Variants in DRAXIN observed in about 807,000 individuals in gnomAD.
DRAXIN encodes the protein dorsal repulsive axon guidance protein.
DRAXIN carries 27 observed loss-of-function variants against 33.9 expected under a neutral mutation model. The ratio of observed to expected loss-of-function variants is 0.80; its 90% CI spans 0.59 to 1.10. DRAXIN has a LOEUF of 1.10. DRAXIN is among the 50% of genes least tolerant of loss of function. DRAXIN has a pLI of 0.00. For missense variants in DRAXIN, 371 were observed against 460.8 expected, an observed-to-expected ratio of 0.81 and a Z score of 1.78; for synonymous variants, 178 against 194.0, an observed-to-expected ratio of 0.92 and a Z score of 0.69.
At chr1:11,686,832 C>T (rs1306623435), upstream of DRAXIN, among the ~76,000 whole-genome samples, 4 of 115,904 alleles carry the variant, frequency 3.5e-5, no homozygotes, top group East Asian at 8.1e-4. Flanking sequence ...AAAAAAAAAA[C>T]TTCTCTGTGG....
intron 5 of DRAXIN, among the ~76,000 whole-genome samples, chr1:11,714,793 C>T (rs1641549474): frequency 1.3e-5 from 2 of 152,246 alleles, no homozygotes; most frequent in Admixed American, 1.3e-4. Flanking sequence ...AGGCCCCTCC[C>T]AGCTCTGAGC....
At chr1:11,710,088 G>C (rs889641397) in intron 3 of DRAXIN, among the ~76,000 whole-genome samples, 1 of 151,934 alleles carries the variant, frequency 6.6e-6, no homozygotes, top group Non-Finnish European at 1.5e-5. Context: ...GGGAGGCTGA[G>C]GCAGGAGAAT....
chr1:11,715,603 G>A (rs1641564127), intron 6 of DRAXIN, among the ~76,000 whole-genome samples: 2 of 152,010 alleles, frequency 1.3e-5, no homozygotes, highest in South Asian at 4.2e-4. Flanking sequence ...TCCCAGAGGA[G>A]GCATTGAAGT....
At chr1:11,710,505 A>G (rs968391053) in intron 3 of DRAXIN, among the ~76,000 whole-genome samples, 4 of 151,342 alleles carry the variant, frequency 2.6e-5, no homozygotes, top group Non-Finnish European at 5.9e-5. Context: ...AAGGGAAAAA[A>G]AAAATGTGGA....
Position 11,709,272 on chromosome 1 carries a change from C to G in DRAXIN, c.452-3C>G. On this transcript the variant is annotated splice_region_variant and splice_polypyrimidine_tract_variant and intron_variant, in intron 2 of 6. Transcript: ENST00000294485. ...CCCCCGTGCTCCCCACCCTGTGTCT[C>G]AGGCCGAGCCTTGGTCCGAGGTCCC... 5 of 1,608,282 alleles carry G rather than the reference C, an allele frequency of 3.1e-6. No individual in the cohort carries two copies. The highest frequency in any genetic ancestry group is 4.2e-6 in the Non-Finnish European group (5 of 1,176,836).
At chr1:11,689,187 A>T (rs1641015684), upstream of DRAXIN, among the ~76,000 whole-genome samples, 1 of 151,022 alleles carries the variant, frequency 6.6e-6, no homozygotes, top group Non-Finnish European at 1.5e-5. Flanking sequence ...ACCCCAGCTA[A>T]CTGGGAGGCT....
In DRAXIN at chr1:11,724,085, G is replaced by A. The variant is rs1443492998; in HGVS notation, c.*4389G>A. 2 of 152,192 alleles carry A rather than the reference G, an allele frequency of 1.3e-5. No individual in the cohort carries two copies. Among genetic ancestry groups the A allele is most frequent in the Non-Finnish European group, 2.9e-5 (2 of 68,038 alleles). The allele number at this position is 152,192 out of a possible 1,614,324, so 9.4% of individuals were successfully genotyped here. A position where few individuals can be genotyped will look rare whatever the true frequency, so the allele number is the denominator to read the frequency against. ...CAAAGTGTGTTCCATAGAACACTGG[G>A]ACCATGAGATGCTCTATTAGAAAGG... On this transcript the variant is annotated 3_prime_UTR_variant, in exon 7 of 7. Coordinates refer to ENST00000294485, the MANE Select transcript of DRAXIN (RefSeq NM_198545.4).
At chr1:11,715,239 C>G in intron 6 of DRAXIN, 31 bp downstream of exon 6, 1 of 1,613,406 alleles carries the variant, frequency 6.2e-7, no homozygotes, top group South Asian at 1.1e-5. Flanking sequence ...GGGGGGCTAC[C>G]CATGCTCTGA....
At chr1:11,697,837 G>A (rs1641215066) in intron 1 of DRAXIN, among the ~76,000 whole-genome samples, 1 of 152,204 alleles carries the variant, frequency 6.6e-6, no homozygotes, top group Non-Finnish European at 1.5e-5. Flanking sequence ...GCTGCTCTGA[G>A]GCCTAGGGGT....
At chr1:11,693,924 C>T (rs138394995) in intron 1 of DRAXIN, among the ~76,000 whole-genome samples, 24 of 152,270 alleles carry the variant, frequency 1.6e-4, no homozygotes, top group Admixed American at 7.8e-4. Flanking sequence ...CAGCATTGTC[C>T]CCTCTGCGTC....
rs1452028927 is a variant in DRAXIN, at chr1:11,704,673, T to TGTCACAACAAGCCTGTCCCAGGGTC, written c.-10-1575_-10-1551dup. On this transcript the variant is annotated intron_variant, in intron 1 of 6. Coordinates refer to ENST00000294485, the MANE Select transcript of DRAXIN (RefSeq NM_198545.4). This position sits in a 1 kb window ranked among gnomAD's most constrained non-coding sequence, Gnocchi z 4.6. Reference sequence around the variant, plus strand: ...ATGCAGGTGTGATGGGAGACAGGGTTGTCACAACAAGCCTGTCCCAGGGTC... The same window carrying TGTCACAACAAGCCTGTCCCAGGGTC: ...ATGCAGGTGTGATGGGAGACAGGGTTGTCACAACAAGCCTGTCCCAGGGTCGTCACAACAAGCCTGTCCCAGGGTC... 6.6e-6 allele frequency among the ~76,000 whole-genome samples: 1 copy of TGTCACAACAAGCCTGTCCCAGGGTC among 152,168 alleles called. No homozygotes were observed.
rs149000582 is a variant in DRAXIN, at chr1:11,725,579, G to T, written c.*5883G>T. ...CTGGCAAATCCGAGACCTGTTTTGC[G>T]TAGCTAATTACCAGCAATGACAAAC... On this transcript the variant is annotated 3_prime_UTR_variant, in exon 7 of 7. Transcript: ENST00000294485. The T allele has an allele frequency of 1.3e-5, 2 of 152,182 alleles. No homozygotes were observed. Among genetic ancestry groups the T allele is most frequent in the Non-Finnish European group, 2.9e-5 (2 of 68,036 alleles). The allele number at this position is 152,182 out of a possible 1,614,324, so 9.4% of individuals were successfully genotyped here. A position where few individuals can be genotyped will look rare whatever the true frequency, so the allele number is the denominator to read the frequency against.
chr1:11,715,742 T>C (rs1489539298), intron 6 of DRAXIN, among the ~76,000 whole-genome samples: 1 of 152,192 alleles, frequency 6.6e-6, no homozygotes, highest in Admixed American at 6.5e-5. Flanking sequence ...AGCACTTTTC[T>C]ACTGAAATCC....
In DRAXIN at chr1:11,709,367, A is replaced by C; in HGVS notation, c.544A>C (p.Thr182Pro). The stretch of plus-strand genomic sequence containing the variant: ...GGATGCAGCCATGGAGGAATCCTCC[A>C]CCAGCCTGGCGCCCACCATGTTCTT... ...VLDAAMEESS[T>P]SLAPTMFFLT... The change falls in exon 3 of 7, where the codon ACC (threonine) becomes CCC (proline). Residue 182 changes from threonine to proline, a missense_variant. Physicochemically the swap from Thr to Pro is conservative, Grantham distance 38 (BLOSUM62 -1). Coordinates refer to ENST00000294485, the MANE Select transcript of DRAXIN (RefSeq NM_198545.4). 6.2e-7 allele frequency: 1 copy of C among 1,613,974 alleles called. No homozygotes were observed. Among genetic ancestry groups the C allele is most frequent in the Non-Finnish European group, 8.5e-7 (1 of 1,179,932 alleles).
At chr1:11,698,074 A>G (rs989390247) in intron 1 of DRAXIN, among the ~76,000 whole-genome samples, 1 of 151,994 alleles carries the variant, frequency 6.6e-6, no homozygotes, top group Admixed American at 6.6e-5. Flanking sequence ...CCCACACACA[A>G]ACCACACAGA....
chr1:11,712,384 C>G lies in DRAXIN; in HGVS notation c.802C>G (p.Pro268Ala). 6.2e-7 allele frequency: 1 copy of G among 1,614,108 alleles called. No individual in the cohort carries two copies. ...KLSSDGNETS[P>A]AEGEPCDHHQ... ...CTCCAGTGATGGTAACGAAACATCA[C>G]CAGCCGAAGGGGAACCATGCGACCA... Residue 268 changes from proline to alanine, a missense_variant, in exon 5 of 7, where the codon CCA becomes GCA. Pro to Ala is a conservative substitution (Grantham distance 27). Coordinates refer to ENST00000294485, the MANE Select transcript of DRAXIN (RefSeq NM_198545.4).
intron 2 of DRAXIN, among the ~76,000 whole-genome samples, chr1:11,707,090 A>G (rs11121806): frequency 0.074 from 11,299 of 152,196 alleles, 1,345 homozygotes; most frequent in African/African-American, 0.25. Context: ...AGTCCCAGCT[A>G]CTTGGAAGGC....
chr1:11,711,761 GC>G, intron 3 of DRAXIN, 89 bp from the exon 4 acceptor site: 1 of 1,246,080 alleles, frequency 8.0e-7, no homozygotes, highest in Non-Finnish European at 1.1e-6. Flanking sequence ...CCTCTGAGAA[GC>G]CTCTTTTTTG....
chr1:11,715,911 C>T (rs969293118), intron 6 of DRAXIN, among the ~76,000 whole-genome samples: 7 of 152,200 alleles, frequency 4.6e-5, no homozygotes, highest in Admixed American at 6.5e-5. Flanking sequence ...ACTCTGTCAC[C>T]CAGGCTGGAG....
Sources: gnomAD v4.1 joint callset for allele counts (sites outside exome capture counted in the v4.1 genomes callset) on GRCh38, gnomAD v4.1.1 for gene constraint, Gnocchi (gnomAD v3.1) non-coding constraint, MANE v1.5 for transcripts, NCBI Gene and HGNC (gene_info 2026-07-23, HGNC 2026-07-21) for gene names.